NCKAP5: variants seen among roughly 807,000 people sequenced by gnomAD.
NCKAP5 encodes the protein NCK associated protein 5, also known as nck-associated protein 5.
A neutral mutation model predicts 167.0 loss-of-function variants in NCKAP5; 92 were observed. The observed-to-expected ratio is 0.55, with a 90% CI of 0.47 to 0.66. The LOEUF (loss-of-function observed/expected upper bound fraction) is 0.66. Among genes scored for constraint, NCKAP5 ranks in the 30% least tolerant of loss-of-function variants. The pLI is 0.00. For synonymous variants in NCKAP5, 891 were observed against 877.4 expected (o/e 1.02, Z -0.27); for missense variants, 2,378 against 2,315.0 (o/e 1.03, Z -0.56).
the NCKAP5 span, among the ~76,000 whole-genome samples, chr2:133,609,264 ATAT>A: frequency 6.6e-6 from 1 of 152,180 alleles, no homozygotes; most frequent in Admixed American, 6.5e-5. Context: ...GAGAAAAAAA[ATAT>A]TATCTGTTGT....
intron 5 of NCKAP5, among the ~76,000 whole-genome samples, chr2:133,133,635 T>C (rs2082686523): frequency 6.6e-6 from 1 of 152,222 alleles, no homozygotes; most frequent in Non-Finnish European, 1.5e-5. Context: ...TGTGAGTGGG[T>C]TAACTTTCAA....
At chr2:132,790,604 G>T (rs762067969) in intron 12 of NCKAP5, among the ~76,000 whole-genome samples, 3 of 152,034 alleles carry the variant, frequency 2.0e-5, no homozygotes, top group Non-Finnish European at 4.4e-5. Flanking sequence ...AAATCCTGTC[G>T]AACTACCCTA....
chr2:132,924,289 CTCTG>C (rs1695679446), intron 8 of NCKAP5, among the ~76,000 whole-genome samples: 7 of 152,092 alleles, frequency 4.6e-5, no homozygotes, highest in African/African-American at 9.7e-5. Context: ...TTGTGCTGTA[CTCTG>C]GGCCCATAAA....
intron 1 of NCKAP5, among the ~76,000 whole-genome samples, chr2:133,561,562 A>G (rs1575161050): frequency 6.6e-6 from 1 of 152,338 alleles, no homozygotes; most frequent in South Asian, 2.1e-4. Flanking sequence ...TCATGAGACT[A>G]TAAAACCAAG....
chr2:133,176,446 C>T (rs116701178), intron 5 of NCKAP5, among the ~76,000 whole-genome samples: 7,613 of 152,096 alleles, frequency 0.05, 199 homozygotes, highest in African/African-American at 0.059. Flanking sequence ...AGAACAACCT[C>T]GGAAATTGCT....
chr2:132,878,824 C>T, intron 9 of NCKAP5, 24 bp downstream of exon 9: 1 of 1,586,686 alleles, frequency 6.3e-7, no homozygotes, highest in Non-Finnish European at 8.7e-7. Flanking sequence ...AGCCTTGGAT[C>T]AGGAGCCTCT....
At chr2:133,213,466 C>T (rs889910328) in intron 5 of NCKAP5, among the ~76,000 whole-genome samples, 2 of 152,122 alleles carry the variant, frequency 1.3e-5, no homozygotes, top group Non-Finnish European at 2.9e-5. Flanking sequence ...CTTCAGAAAA[C>T]AAAGCCTTAT....
Position 133,458,806 on chromosome 2 carries a change from G to GGA in NCKAP5, c.69+58651_69+58652insTC, listed in dbSNP as rs776979087. On this transcript the variant is annotated intron_variant, in intron 3 of 19. Transcript: ENST00000409261. ...TCGGGGTTTAGGAACACAGGCACAA[G>GGA]CCACAGTCTGTTTAAATTGTTAAGT... Among the ~76,000 whole-genome samples, 5 of 152,238 alleles carry GGA rather than the reference G, an allele frequency of 3.3e-5. No individual in the cohort carries two copies. The South Asian group carries it at 1.0e-3, about 32-fold the overall frequency.
At chr2:132,820,251 ACAGAGTCTCACT>A in intron 11 of NCKAP5, among the ~76,000 whole-genome samples, 1 of 151,068 alleles carries the variant, frequency 6.6e-6, no homozygotes, top group East Asian at 2.0e-4. Flanking sequence ...TTTTTAAGAG[ACAGAGTCTCACT>A]CTGTGGCCCA....
chr2:132,806,313 T>C (rs1019545523), intron 11 of NCKAP5, among the ~76,000 whole-genome samples: 3 of 152,182 alleles, frequency 2.0e-5, no homozygotes, highest in African/African-American at 4.8e-5. Flanking sequence ...CTGGATCAAA[T>C]GGTAGTTATA....
intron 5 of NCKAP5, among the ~76,000 whole-genome samples, chr2:133,206,061 G>T (rs2085938432): frequency 6.6e-6 from 1 of 152,148 alleles, no homozygotes; most frequent in African/African-American, 2.4e-5. Context: ...CAGTAGCTAG[G>T]ATCAGAAGTA....
At chr2:133,024,055 A>C (rs2078617050) in intron 6 of NCKAP5, among the ~76,000 whole-genome samples, 1 of 152,220 alleles carries the variant, frequency 6.6e-6, no homozygotes, top group Non-Finnish European at 1.5e-5. Flanking sequence ...TGTAAACTAT[A>C]TAAAAACATT....
At chr2:133,110,375 C>T (rs915686810) in intron 6 of NCKAP5, among the ~76,000 whole-genome samples, 1 of 152,052 alleles carries the variant, frequency 6.6e-6, no homozygotes, top group African/African-American at 2.4e-5. Context: ...AGGACACTGG[C>T]CTGAGAAGAT....
chr2:133,566,583 C>T (rs1257144163), intron 1 of NCKAP5, among the ~76,000 whole-genome samples: 1 of 152,222 alleles, frequency 6.6e-6, no homozygotes, highest in Non-Finnish European at 1.5e-5. Context: ...CCTGTTCCTA[C>T]AAGAAGGCAT....
At chr2:132,732,919 G>T (rs887213259) in intron 16 of NCKAP5, among the ~76,000 whole-genome samples, 4 of 152,048 alleles carry the variant, frequency 2.6e-5, no homozygotes, top group Non-Finnish European at 5.9e-5. Flanking sequence ...GACTTCATTC[G>T]ACCCAGCTGA....
chr2:133,327,386 T>G (rs973340014), intron 3 of NCKAP5, among the ~76,000 whole-genome samples: 1 of 152,218 alleles, frequency 6.6e-6, no homozygotes, highest in Non-Finnish European at 1.5e-5. Flanking sequence ...GAAAGGACCT[T>G]GGAAGGATTC....
intron 10 of NCKAP5, among the ~76,000 whole-genome samples, chr2:132,865,100 T>A (rs1306725713): frequency 1.3e-5 from 2 of 152,136 alleles, no homozygotes; most frequent in Non-Finnish European, 2.9e-5. Context: ...TACATCCTTA[T>A]CTCTGCCCCA....
intron 19 of NCKAP5, among the ~76,000 whole-genome samples, chr2:132,708,260 G>T (rs1688545533): frequency 6.6e-6 from 1 of 152,064 alleles, no homozygotes; most frequent in Non-Finnish European, 1.5e-5. Flanking sequence ...GGGCTTTTAG[G>T]GTCATTGATT....
intron 11 of NCKAP5, among the ~76,000 whole-genome samples, chr2:132,804,708 TC>T (rs1444273788): frequency 6.6e-6 from 1 of 152,136 alleles, no homozygotes; most frequent in Non-Finnish European, 1.5e-5. Flanking sequence ...TGAAGTCCTT[TC>T]CCTAATCTTA....
Sources: gnomAD v4.1 joint callset for allele counts (sites outside exome capture counted in the v4.1 genomes callset) on GRCh38, gnomAD v4.1.1 for gene constraint, MANE v1.5 for transcripts, NCBI Gene and HGNC (gene_info 2026-07-23, HGNC 2026-07-21) for gene names.